FHIP2A: variants seen among roughly 807,000 people sequenced by gnomAD.
FHIP2A encodes the protein family with sequence similarity 160 member B1.
Under a neutral mutation model 93.5 loss-of-function variants are expected in FHIP2A, and 46 were observed. That is an observed-to-expected ratio of 0.49 (90% CI 0.39 to 0.63). FHIP2A has a LOEUF of 0.63. Among genes scored for constraint, FHIP2A ranks in the 20% least tolerant of loss-of-function variants. The pLI, the probability that FHIP2A is intolerant of heterozygous loss-of-function variation, is 0.00. For missense variants in FHIP2A, 769 were observed against 909.7 expected (o/e 0.85, Z 1.99); for synonymous variants, 332 against 326.5 (o/e 1.02, Z -0.18).
intron 16 of FHIP2A, among the ~76,000 whole-genome samples, chr10:114,893,198 ATATTGTGAG>A (rs1399569431): frequency 6.6e-6 from 1 of 152,210 alleles, no homozygotes; most frequent in Non-Finnish European, 1.5e-5. Context: ...AATAGGGGAA[ATATTGTGAG>A]TAATCCAATT....
At position 114,861,500 on chromosome 10, in the gene FHIP2A, C is replaced by T; in HGVS notation, c.2258C>T (p.Ala753Val). 1 of 1,613,942 alleles carries T rather than the reference C, an allele frequency of 6.2e-7. No homozygotes were observed. Among genetic ancestry groups the T allele is most frequent in the Non-Finnish European group, 8.5e-7 (1 of 1,179,994 alleles). ...GAAGAGTTCTGTAAGGAGCTGGCGG[C>T]AATCGCATTTGTAAAATATCATGCT... ...VLEEFCKELA[A>V]IAFVKYHASS... The change falls in exon 17 of 17, where the codon GCA becomes GTA. Residue 753 changes from alanine (A) to valine (V), a missense_variant. By Grantham distance (64) the Ala-to-Val change is moderately conservative. Coordinates refer to ENST00000369248, the MANE Select transcript of FHIP2A (RefSeq NM_020940.4).
At chr10:114,850,412 T>C (rs1244179137) in intron 13 of FHIP2A, among the ~76,000 whole-genome samples, 2 of 152,226 alleles carry the variant, frequency 1.3e-5, no homozygotes, top group Admixed American at 1.3e-4. Flanking sequence ...CTCTGAAGAA[T>C]ATTTAAATCC....
intron 2 of FHIP2A, among the ~76,000 whole-genome samples, chr10:114,831,495 G>A (rs79472652): frequency 2.0e-5 from 3 of 152,308 alleles, no homozygotes; most frequent in East Asian, 3.9e-4. Context: ...CTTTAAGGAA[G>A]CCAGTGTGGA....
chr10:114,860,070 T>C (rs964397403), intron 14 of FHIP2A, among the ~76,000 whole-genome samples: 1 of 152,168 alleles, frequency 6.6e-6, no homozygotes, highest in African/African-American at 2.4e-5. Flanking sequence ...CCCATCTTGT[T>C]TTTTGGTCTT....
At chr10:114,860,981 GA>G in intron 15 of FHIP2A, 92 bp downstream of exon 15, 1 of 1,250,682 alleles carries the variant, frequency 8.0e-7, no homozygotes, top group East Asian at 2.3e-5. Context: ...GTCACATAAT[GA>G]AAAATATATC....
intron 2 of FHIP2A, 78 bp from the exon 3 acceptor site, chr10:114,833,155 G>A: frequency 2.7e-6 from 3 of 1,109,544 alleles, no homozygotes; most frequent in Non-Finnish European, 3.9e-6. Context: ...ATAGGAAAAG[G>A]GAAATACAGA....
Position 114,848,632 on chromosome 10 carries a change from C to T in FHIP2A, c.1713-15C>T. Reference sequence around the variant, plus strand: ...AAATGGACATCTTGCATAATTGTGGCCGTTTTCATTTAAGTTTTCTCTGTC... The same window carrying T: ...AAATGGACATCTTGCATAATTGTGGTCGTTTTCATTTAAGTTTTCTCTGTC... On this transcript the variant is annotated splice_polypyrimidine_tract_variant and intron_variant, in intron 12 of 16. Transcript: ENST00000369248. 1.3e-6 allele frequency: 2 copies of T among 1,533,416 alleles called. No homozygotes were observed. Among genetic ancestry groups the T allele is most frequent in the Non-Finnish European group, 1.8e-6 (2 of 1,111,480 alleles). The allele number at this position is 1,533,416 out of a possible 1,614,324, so 95.0% of individuals were successfully genotyped here. A position where few individuals can be genotyped will look rare whatever the true frequency, so the allele number is the denominator to read the frequency against.
chr10:114,859,211 C>G (rs2083783663), intron 14 of FHIP2A, among the ~76,000 whole-genome samples: 1 of 152,100 alleles, frequency 6.6e-6, no homozygotes, highest in African/African-American at 2.4e-5. Context: ...GTTAGAAAGA[C>G]TAAAATGGGC....
intron 13 of FHIP2A, among the ~76,000 whole-genome samples, chr10:114,851,446 G>A (rs1327623082): frequency 6.6e-6 from 1 of 151,966 alleles, no homozygotes; most frequent in Non-Finnish European, 1.5e-5. Context: ...TAGACATCCA[G>A]TTGTCTCTGC....
chr10:114,869,635 C>T (rs1272330778), downstream of FHIP2A, among the ~76,000 whole-genome samples: 1 of 152,146 alleles, frequency 6.6e-6, no homozygotes, highest in Non-Finnish European at 1.5e-5. Context: ...TAAAGACTTA[C>T]ATTTTCCATA....
intron 5 of FHIP2A, 63 bp downstream of exon 5, chr10:114,836,309 A>C: frequency 7.7e-7 from 1 of 1,292,296 alleles, no homozygotes; most frequent in Non-Finnish European, 1.1e-6. Context: ...TGAAAATTGA[A>C]TTATGTGAAT....
At chr10:114,882,439 G>GGC (rs2083921829) in intron 16 of FHIP2A, among the ~76,000 whole-genome samples, 1 of 152,208 alleles carries the variant, frequency 6.6e-6, no homozygotes, top group East Asian at 1.9e-4. Context: ...AGGCACTAGA[G>GGC]AAATCCCTGC....
chr10:114,846,778 A>C (rs1238395890), intron 11 of FHIP2A, 50 bp downstream of exon 11: 1 of 1,445,268 alleles, frequency 6.9e-7, no homozygotes, highest in East Asian at 2.3e-5. Context: ...TAGAGATAGA[A>C]CTTTCTCTCT....
At chr10:114,824,707 G>A (rs190799675) in intron 1 of FHIP2A, among the ~76,000 whole-genome samples, 3 of 152,260 alleles carry the variant, frequency 2.0e-5, no homozygotes, top group African/African-American at 4.8e-5. Flanking sequence ...CAGTTATTCA[G>A]TTCTGTTTAT....
downstream of FHIP2A, among the ~76,000 whole-genome samples, chr10:114,866,829 A>T (rs976762986): frequency 2.0e-5 from 3 of 152,202 alleles, no homozygotes; most frequent in Non-Finnish European, 4.4e-5. Context: ...GAATATTCTT[A>T]CTTTTAAGTA....
chr10:114,834,032 T>G (rs11196940), intron 3 of FHIP2A, among the ~76,000 whole-genome samples: 62,747 of 152,014 alleles, frequency 0.41, 13,490 homozygotes, highest in Non-Finnish European at 0.48. Flanking sequence ...TTGGTTAATC[T>G]TCCTCCTCTT....
At chr10:114,898,030 T>C (rs1047582853) in intron 16 of FHIP2A, among the ~76,000 whole-genome samples, 3 of 152,202 alleles carry the variant, frequency 2.0e-5, no homozygotes, top group African/African-American at 4.8e-5. Context: ...AGCTGTATTA[T>C]GTTAGGTGAA....
intron 13 of FHIP2A, among the ~76,000 whole-genome samples, chr10:114,853,642 A>C (rs1200198394): frequency 2.0e-5 from 3 of 152,256 alleles, no homozygotes; most frequent in African/African-American, 7.2e-5. Flanking sequence ...TAGAAAAACC[A>C]AAAGCTATAA....
At chr10:114,844,578 A>G (rs560081690) in intron 7 of FHIP2A, among the ~76,000 whole-genome samples, 3 of 152,290 alleles carry the variant, frequency 2.0e-5, no homozygotes, top group African/African-American at 7.2e-5. Flanking sequence ...CCCACTTGTT[A>G]ACATTATGAC....
Sources: gnomAD v4.1 joint callset for allele counts (sites outside exome capture counted in the v4.1 genomes callset) on GRCh38, gnomAD v4.1.1 for gene constraint, MANE v1.5 for transcripts, NCBI Gene and HGNC (gene_info 2026-07-23, HGNC 2026-07-21) for gene names.